Variants in NCKAP5 observed in about 807,000 individuals in gnomAD.
The protein encoded by NCKAP5 is NCK associated protein 5, also known as nck-associated protein 5.
Under a neutral mutation model 167.0 loss-of-function variants are expected in NCKAP5, and 92 were observed. The ratio of observed to expected loss-of-function variants is 0.55; its 90% CI spans 0.47 to 0.66. The LOEUF (loss-of-function observed/expected upper bound fraction) is 0.66. Among genes scored for constraint, NCKAP5 ranks in the 30% least tolerant of loss-of-function variants. The pLI, the probability that NCKAP5 is intolerant of heterozygous loss-of-function variation, is 0.00. For missense variants in NCKAP5, 2,378 were observed against 2,315.0 expected, an observed-to-expected ratio of 1.03 and a Z score of -0.56; for synonymous variants, 891 against 877.4, an observed-to-expected ratio of 1.02 and a Z score of -0.27.
At chr2:133,196,944 T>A (rs753848421) in intron 5 of NCKAP5, among the ~76,000 whole-genome samples, 1 of 152,188 alleles carries the variant, frequency 6.6e-6, no homozygotes, top group Non-Finnish European at 1.5e-5. Flanking sequence ...AGGGGGACCT[T>A]GTTCCTTCCC....
At chr2:132,697,265 A>G (rs531366094) in intron 19 of NCKAP5, among the ~76,000 whole-genome samples, 4 of 152,346 alleles carry the variant, frequency 2.6e-5, no homozygotes, top group African/African-American at 4.8e-5. Context: ...TCCTGTCAGG[A>G]CAGTGCTCCC....
intron 19 of NCKAP5, among the ~76,000 whole-genome samples, chr2:132,681,599 G>A (rs992948894): frequency 6.6e-6 from 1 of 151,624 alleles, no homozygotes; most frequent in South Asian, 2.1e-4. Flanking sequence ...TGGATCAGGT[G>A]AATATAAAAA....
chr2:133,591,393 T>A, the NCKAP5 span, among the ~76,000 whole-genome samples: 1 of 152,334 alleles, frequency 6.6e-6, no homozygotes, highest in South Asian at 2.1e-4. Context: ...TGCTGCTCTC[T>A]CTTGCTCTTT....
Position 133,383,973 on chromosome 2 carries a change from A to T in NCKAP5, c.70-80863T>A, listed in dbSNP as rs548259566. Among the ~76,000 whole-genome samples, 4 of 152,216 alleles carry T rather than the reference A, an allele frequency of 2.6e-5. No individual in the cohort carries two copies. The South Asian group carries it at 8.3e-4, about 32-fold the overall frequency. ...TGGATATTAGCCCTTTGTCAGATGAATAGATTGCAAAAATTTTCCCCATTC... is the reference window on the plus strand; with the variant it reads ...TGGATATTAGCCCTTTGTCAGATGATTAGATTGCAAAAATTTTCCCCATTC... On this transcript the variant is annotated intron_variant, in intron 3 of 19. Coordinates refer to ENST00000409261, the MANE Select transcript of NCKAP5 (RefSeq NM_207363.3).
intron 6 of NCKAP5, among the ~76,000 whole-genome samples, chr2:133,034,033 C>A (rs183882984): frequency 1.0e-3 from 152 of 152,084 alleles, no homozygotes; most frequent in African/African-American, 3.6e-3. Context: ...GAATACCAAG[C>A]AGATTTAACC....
At chr2:133,473,327 G>A (rs570478586) in intron 3 of NCKAP5, among the ~76,000 whole-genome samples, 316 of 143,346 alleles carry the variant, frequency 2.2e-3, no homozygotes, top group Non-Finnish European at 3.6e-3. Context: ...GCGAGACTCC[G>A]TCTCAAAAAA....
At chr2:133,623,520 A>G in the NCKAP5 span, among the ~76,000 whole-genome samples, 1 of 152,172 alleles carries the variant, frequency 6.6e-6, no homozygotes, top group Non-Finnish European at 1.5e-5. Flanking sequence ...AAAAGAAGAC[A>G]TAAAAATGGC....
At chr2:133,039,777 A>G (rs1236336504) in intron 6 of NCKAP5, among the ~76,000 whole-genome samples, 2 of 152,160 alleles carry the variant, frequency 1.3e-5, no homozygotes, top group South Asian at 2.1e-4. Context: ...AGCACTCCCT[A>G]AGCAATTCTG....
rs115811339 is a variant in NCKAP5 at position 132,708,669 on chromosome 2, C to T, written c.5713+16958G>A. Among the ~76,000 whole-genome samples, 711 of 152,310 alleles carry T rather than the reference C, an allele frequency of 4.7e-3. 6 individuals carry two copies. The highest frequency in any genetic ancestry group is 0.016 in the African/African-American group (648 of 41,568). On this transcript the variant is annotated intron_variant, in intron 19 of 19. Coordinates refer to ENST00000409261, the MANE Select transcript of NCKAP5 (RefSeq NM_207363.3). ...GAAAGGACACAAGCCCGGCTGGCTTCGCCACCTGCTGACCGTAGAGCGCTT... is the reference window on the plus strand; with the variant it reads ...GAAAGGACACAAGCCCGGCTGGCTTTGCCACCTGCTGACCGTAGAGCGCTT...
intron 3 of NCKAP5, among the ~76,000 whole-genome samples, chr2:133,309,427 G>C (rs899129881): frequency 2.6e-5 from 4 of 151,998 alleles, no homozygotes; most frequent in Admixed American, 2.0e-4. Context: ...ACTTGCCCTC[G>C]TTAGTGTTCT....
Position 133,279,474 on chromosome 2 carries a change from A to G in NCKAP5, c.143+23563T>C, listed in dbSNP as rs567068337. Among the ~76,000 whole-genome samples the G allele has an allele frequency of 2.0e-4, 31 of 152,358 alleles. No individual in the cohort carries two copies. The South Asian group carries it at 4.6e-3, about 22-fold the overall frequency. On this transcript the variant is annotated intron_variant, in intron 4 of 19. Transcript: ENST00000409261. ...TTATTTTGGAAAAAAGTTCTCCTAC[A>G]TAACTAATATCACATAGCTTTATTA...
At chr2:133,183,238 G>C (rs896241920) in intron 5 of NCKAP5, among the ~76,000 whole-genome samples, 5 of 151,868 alleles carry the variant, frequency 3.3e-5, no homozygotes, top group Admixed American at 3.3e-4. Context: ...AATACAACAA[G>C]AGGGAATACT....
intron 3 of NCKAP5, among the ~76,000 whole-genome samples, chr2:133,471,643 C>T (rs1679329945): frequency 6.6e-6 from 1 of 152,108 alleles, no homozygotes; most frequent in Non-Finnish European, 1.5e-5. Flanking sequence ...TTTCCAGGAC[C>T]ACTGATGCTT....
chr2:132,950,221 G>C (rs540832400), intron 8 of NCKAP5, among the ~76,000 whole-genome samples: 1 of 152,254 alleles, frequency 6.6e-6, no homozygotes, highest in East Asian at 1.9e-4. Flanking sequence ...AACTGAACTA[G>C]TTCAAGATCC....
At position 133,386,947 on chromosome 2, in the gene NCKAP5, C is replaced by T. The variant is rs1044522519; in HGVS notation, c.70-83837G>A. Among the ~76,000 whole-genome samples the T allele has an allele frequency of 3.3e-5, 5 of 152,094 alleles. 1 individual carries two copies. The highest frequency in any genetic ancestry group is 6.5e-5 in the Admixed American group (1 of 15,274). ...TTTTGAGCCTGTATGTGTCTCTGCA[C>T]ATGAGATGGGTTTCCTGAAGGCAGC... On this transcript the variant is annotated intron_variant, in intron 3 of 19. Transcript: ENST00000409261.
chr2:133,310,855 A>G (rs1681183753), intron 3 of NCKAP5, among the ~76,000 whole-genome samples: 1 of 152,186 alleles, frequency 6.6e-6, no homozygotes, highest in Non-Finnish European at 1.5e-5. Context: ...CAAAACTTTT[A>G]CTTGTAAAGG....
chr2:133,444,409 T>TAGATAGATAGATATAG (rs1190357351), intron 3 of NCKAP5, among the ~76,000 whole-genome samples: 1 of 138,688 alleles, frequency 7.2e-6, no homozygotes, highest in African/African-American at 3.0e-5. Flanking sequence ...GATAGATAGA[T>TAGATAGATAGATATAG]ATAGATATAG....
At chr2:133,576,216 C>T in the NCKAP5 span, among the ~76,000 whole-genome samples, 2 of 136,184 alleles carry the variant, frequency 1.5e-5, no homozygotes, top group African/African-American at 5.1e-5. Context: ...TTGTTCTTCC[C>T]ATTCTTTTTT....
the NCKAP5 span, among the ~76,000 whole-genome samples, chr2:133,645,927 TG>T: frequency 6.9e-6 from 1 of 143,886 alleles, no homozygotes; most frequent in Non-Finnish European, 1.5e-5. Flanking sequence ...AGGCATCAAA[TG>T]GAAAAAAGGA....
Sources: allele counts gnomAD v4.1 joint callset (sites outside exome capture counted in the v4.1 genomes callset), GRCh38; gene constraint gnomAD v4.1.1; transcripts MANE v1.5; gene names NCBI Gene and HGNC (gene_info 2026-07-23, HGNC 2026-07-21).